Variants in INPP5A observed in about 807,000 individuals in gnomAD.
INPP5A encodes the protein 43 kDa inositol polyphosphate 5-phophatase.
Under a neutral mutation model 65.2 loss-of-function variants are expected in INPP5A, and 14 were observed. That is an observed-to-expected ratio of 0.21 (90% CI 0.14 to 0.34). INPP5A has a LOEUF of 0.34. INPP5A is among the 10% of genes least tolerant of loss of function. The probability of loss-of-function intolerance (pLI) is 1.00; values close to 1 mark genes in which losing one functional copy is unlikely to be tolerated. For missense variants in INPP5A, 431 were observed against 545.6 expected (o/e 0.79, Z 2.09); for synonymous variants, 207 against 208.3 (o/e 0.99, Z 0.05).
In INPP5A at chr10:132,587,394, A is replaced by G. The variant is rs762231102; in HGVS notation, c.76-20521A>G. The stretch of plus-strand genomic sequence containing the variant: ...GCTTCTGCTGCTGCCAGCACAGCCC[A>G]TGGTGTGCTCTGTGGGGCTGGCAGG... On this transcript the variant is annotated intron_variant, in intron 1 of 15. Coordinates refer to ENST00000368594, the MANE Select transcript of INPP5A (RefSeq NM_005539.5). This position sits in a 1 kb window ranked among gnomAD's most constrained non-coding sequence, Gnocchi z 4.3. 2.6e-5 allele frequency among the ~76,000 whole-genome samples: 4 copies of G among 152,150 alleles called. No homozygotes were observed. Among genetic ancestry groups the G allele is most frequent in the Non-Finnish European group, 5.9e-5 (4 of 68,004 alleles).
chr10:132,682,039 GC>G (rs927662704), intron 4 of INPP5A, among the ~76,000 whole-genome samples: 21 of 152,244 alleles, frequency 1.4e-4, no homozygotes, highest in African/African-American at 5.1e-4. Flanking sequence ...GCTGGGGAGA[GC>G]GGGAAGGGAA....
intron 1 of INPP5A, among the ~76,000 whole-genome samples, chr10:132,552,183 ATG>A (rs2071061270): frequency 2.1e-5 from 3 of 143,012 alleles, no homozygotes; most frequent in Admixed American, 7.0e-5. Flanking sequence ...GGATTGGTGA[ATG>A]CCTTCTCAGA....
Position 132,651,143 on chromosome 10 carries a change from G to A in INPP5A, c.306+638G>A, listed in dbSNP as rs1243472848. 6.6e-6 allele frequency among the ~76,000 whole-genome samples: 1 copy of A among 152,180 alleles called. No individual in the cohort carries two copies. Among genetic ancestry groups the A allele is most frequent in the Non-Finnish European group, 1.5e-5 (1 of 68,010 alleles). ...GGGAAGGGGCAGGAAGCTCCTCAGA[G>A]GAGGGGACACTCTGCAGGTCGTGAA... is the stretch of plus-strand genomic sequence containing the variant. On this transcript the variant is annotated intron_variant, in intron 4 of 15. Coordinates refer to ENST00000368594, the MANE Select transcript of INPP5A (RefSeq NM_005539.5). This position sits in a 1 kb window ranked among gnomAD's most constrained non-coding sequence, Gnocchi z 5.0.
At position 132,586,827 on chromosome 10, in the gene INPP5A, G is replaced by A. The variant is rs543248616; in HGVS notation, c.76-21088G>A. On this transcript the variant is annotated intron_variant, in intron 1 of 15. Coordinates refer to ENST00000368594, the MANE Select transcript of INPP5A (RefSeq NM_005539.5). ...GAAACATGCATGCATGTCAGGAGGC[G>A]GCGCAGCGCGGCGAGGCCACGGTTC... 2.6e-5 allele frequency among the ~76,000 whole-genome samples: 4 copies of A among 152,268 alleles called. No homozygotes were observed. In the East Asian group the frequency reaches 5.8e-4, roughly 22 times the overall value.
chr10:132,645,966 CAAGT>C lies in INPP5A; in HGVS notation c.218+3_218+6del. The C allele has an allele frequency of 6.2e-7, 1 of 1,610,714 alleles. No homozygotes were observed. On this transcript the variant is annotated splice_donor_variant and coding_sequence_variant, in exon 3 of 16. Coordinates refer to ENST00000368594, the MANE Select transcript of INPP5A (RefSeq NM_005539.5). LOFTEE classifies it high-confidence loss of function. ...CCATGTCCCACGTGGACAAGTTCGTCAAGTAAGTCTAGGGGCAGGTGCTGGTGCA... is the reference window on the plus strand; with the variant it reads ...CCATGTCCCACGTGGACAAGTTCGTCAAGTCTAGGGGCAGGTGCTGGTGCA...
At chr10:132,571,413 A>G (rs2071340780) in intron 1 of INPP5A, among the ~76,000 whole-genome samples, 1 of 152,200 alleles carries the variant, frequency 6.6e-6, no homozygotes, top group Non-Finnish European at 1.5e-5. Flanking sequence ...GCTGCGGGGA[A>G]GGGCTTCTTT....
chr10:132,736,152 G>A (rs1044378491), intron 9 of INPP5A, among the ~76,000 whole-genome samples: 1 of 152,226 alleles, frequency 6.6e-6, no homozygotes, highest in Non-Finnish European at 1.5e-5. Context: ...AGGGCCGTGC[G>A]TCCTCACACG....
intron 6 of INPP5A, among the ~76,000 whole-genome samples, chr10:132,701,126 C>T (rs987920724): frequency 1.3e-5 from 2 of 152,220 alleles, no homozygotes; most frequent in Admixed American, 6.5e-5. Context: ...CTCTTTTCTC[C>T]GTGGCGATTT....
rs1195990038 is a variant in INPP5A at position 132,663,987 on chromosome 10, G to A, written c.306+13482G>A. Reference sequence around the variant, plus strand: ...CACACGCAGCCCAGGAAACAAACACGCCGCGCGAAAGGTATTGGTGAACGA... The same window carrying A: ...CACACGCAGCCCAGGAAACAAACACACCGCGCGAAAGGTATTGGTGAACGA... On this transcript the variant is annotated intron_variant, in intron 4 of 15. Coordinates refer to ENST00000368594, the MANE Select transcript of INPP5A (RefSeq NM_005539.5). The surrounding 1 kb of genome is among the most constrained non-coding windows in gnomAD (Gnocchi z 4.5). Among the ~76,000 whole-genome samples the A allele has an allele frequency of 6.6e-6, 1 of 152,246 alleles. No homozygotes were observed. The highest frequency in any genetic ancestry group is 2.4e-5 in the African/African-American group (1 of 41,454).
At chr10:132,661,967 C>CA (rs2072742004) in intron 4 of INPP5A, among the ~76,000 whole-genome samples, 1 of 152,086 alleles carries the variant, frequency 6.6e-6, no homozygotes, top group Non-Finnish European at 1.5e-5. Flanking sequence ...GGGCCGTTTG[C>CA]AAAAAACTCA....
Position 132,564,433 on chromosome 10 carries a change from A to G in INPP5A, c.75+26262A>G, listed in dbSNP as rs191164724. 1.6e-3 allele frequency among the ~76,000 whole-genome samples: 244 copies of G among 152,080 alleles called. 3 individuals are homozygous for G. Among genetic ancestry groups the G allele is most frequent in the Non-Finnish European group, 1.3e-3 (87 of 67,978 alleles). ...ATGGGTGAGTGACAAATGGTTTTTC[A>G]TGGTAGCCAGGGTCTCCCAGAGCCC... On this transcript the variant is annotated intron_variant, in intron 1 of 15. Transcript: ENST00000368594.
intron 1 of INPP5A, among the ~76,000 whole-genome samples, chr10:132,607,204 C>A (rs991893992): frequency 6.6e-6 from 1 of 152,266 alleles, no homozygotes; most frequent in Admixed American, 6.5e-5. Flanking sequence ...GCCGTCCCTT[C>A]TCCTGAAGCA....
intron 4 of INPP5A, among the ~76,000 whole-genome samples, chr10:132,671,897 C>T (rs1326367578): frequency 1.3e-5 from 2 of 152,198 alleles, no homozygotes; most frequent in African/African-American, 2.4e-5. Context: ...GCCTGCTCTG[C>T]TCTCAGAAGG....
At chr10:132,556,384 G>A (rs1008410947) in intron 1 of INPP5A, among the ~76,000 whole-genome samples, 13 of 152,210 alleles carry the variant, frequency 8.5e-5, no homozygotes, top group African/African-American at 3.1e-4. Context: ...CCTCCACGGG[G>A]ACCAGGGCCA....
At position 132,587,624 on chromosome 10, in the gene INPP5A, C is replaced by G. The variant is rs1016034104; in HGVS notation, c.76-20291C>G. ...GTTGTTTGTATGCCGTGCTCAGAAG[C>G]TAGCCAGAGGATTCCGTTCAGAAAC... On this transcript the variant is annotated intron_variant, in intron 1 of 15. Transcript: ENST00000368594. The surrounding 1 kb of genome is among the most constrained non-coding windows in gnomAD (Gnocchi z 4.3). Among the ~76,000 whole-genome samples the G allele has an allele frequency of 2.0e-5, 3 of 152,208 alleles. No individual in the cohort carries two copies. Among genetic ancestry groups the G allele is most frequent in the Admixed American group, 2.0e-4 (3 of 15,288 alleles).
At chr10:132,768,752 G>A (rs1411126266) in intron 12 of INPP5A, among the ~76,000 whole-genome samples, 1 of 152,260 alleles carries the variant, frequency 6.6e-6, no homozygotes, top group Non-Finnish European at 1.5e-5. Context: ...GTCTGGCAGC[G>A]TCTCCTTCCT....
intron 1 of INPP5A, among the ~76,000 whole-genome samples, chr10:132,541,299 C>A (rs960682309): frequency 6.6e-6 from 1 of 152,166 alleles, no homozygotes; most frequent in African/African-American, 2.4e-5. Flanking sequence ...CCTCTCAAAA[C>A]GCTGCGTGCA....
intron 11 of INPP5A, among the ~76,000 whole-genome samples, chr10:132,757,024 A>G (rs149342863): frequency 4.7e-4 from 71 of 152,374 alleles, no homozygotes; most frequent in African/African-American, 1.4e-3. Context: ...TTATACAGCT[A>G]TACAATGTGT....
In INPP5A at chr10:132,644,511, G is replaced by A. The variant is rs1236052251; in HGVS notation, c.118-1357G>A. On this transcript the variant is annotated intron_variant, in intron 2 of 15. Coordinates refer to ENST00000368594, the MANE Select transcript of INPP5A (RefSeq NM_005539.5). The surrounding 1 kb of genome is among the most constrained non-coding windows in gnomAD (Gnocchi z 6.5). Reference sequence around the variant, plus strand: ...CTTGCTCAGCTGCGCCCTGGACCGTGGCCGCTGGGCTCCTGGGAGGTGGGC... The same window carrying A: ...CTTGCTCAGCTGCGCCCTGGACCGTAGCCGCTGGGCTCCTGGGAGGTGGGC... 6.6e-6 allele frequency among the ~76,000 whole-genome samples: 1 copy of A among 152,248 alleles called. No individual in the cohort carries two copies. Among genetic ancestry groups the A allele is most frequent in the Non-Finnish European group, 1.5e-5 (1 of 68,028 alleles).
Sources: gnomAD v4.1 joint callset for allele counts (sites outside exome capture counted in the v4.1 genomes callset) on GRCh38, gnomAD v4.1.1 for gene constraint, Gnocchi (gnomAD v3.1) non-coding constraint, MANE v1.5 for transcripts, NCBI Gene and HGNC (gene_info 2026-07-23, HGNC 2026-07-21) for gene names.